The following LCORL variants were observed in gnomAD, a reference collection of about 807,000 sequenced individuals.
LCORL encodes the protein ligand-dependent nuclear receptor corepressor-like protein.
In LCORL, 41 loss-of-function variants were observed where a neutral mutation model predicts 141.8. That is an observed-to-expected ratio of 0.29 (90% CI 0.23 to 0.38). The LOEUF (loss-of-function observed/expected upper bound fraction) is 0.38, where lower values mean the gene tolerates loss of function less well. Ranked by LOEUF, LCORL falls within the 10% of genes least tolerant of loss-of-function variation. LCORL has a pLI of 1.00. For missense variants in LCORL, 1,759 were observed against 2,035.0 expected, an observed-to-expected ratio of 0.86 and a Z score of 2.61; for synonymous variants, 618 against 694.1, an observed-to-expected ratio of 0.89 and a Z score of 1.72.
chr4:18,010,068 C>T (rs1277436791), intron 1 of LCORL, among the ~76,000 whole-genome samples: 1 of 152,144 alleles, frequency 6.6e-6, no homozygotes, highest in East Asian at 1.9e-4. Context: ...TGTGTAAGCA[C>T]CTATAATCAG....
chr4:17,961,255 C>G (rs997046457), intron 4 of LCORL, among the ~76,000 whole-genome samples: 7 of 151,974 alleles, frequency 4.6e-5, no homozygotes, highest in Non-Finnish European at 1.0e-4. Flanking sequence ...AAGAACAAAA[C>G]ATGAAAGGTC....
chr4:17,978,722 G>A (rs991278101), intron 1 of LCORL, among the ~76,000 whole-genome samples: 1 of 152,014 alleles, frequency 6.6e-6, no homozygotes, highest in African/African-American at 2.4e-5. Flanking sequence ...CTTTCCCAAA[G>A]GTGTTATTTG....
At chr4:18,008,629 T>C (rs1000934195) in intron 1 of LCORL, among the ~76,000 whole-genome samples, 2 of 152,196 alleles carry the variant, frequency 1.3e-5, no homozygotes, top group African/African-American at 4.8e-5. Flanking sequence ...AAAATGAAGA[T>C]AAAAATTGTA....
chr4:17,911,689 T>A (rs1401331871), intron 4 of LCORL: 1 of 502,358 alleles, frequency 2.0e-6, no homozygotes, highest in East Asian at 5.4e-5. Flanking sequence ...CTTCACCACT[T>A]GCTCCACCTT....
At chr4:17,876,960 T>C in exon 7 of LCORL, 2 of 1,230,774 alleles carry the variant, frequency 1.6e-6, no homozygotes, top group South Asian at 8.2e-5. Flanking sequence ...TTTAGAATTT[T>C]GTAAAGAAGG....
chr4:17,853,074 A>G (rs1162206243), intron 7 of LCORL, among the ~76,000 whole-genome samples: 2 of 141,300 alleles, frequency 1.4e-5, no homozygotes, highest in East Asian at 2.0e-4. Flanking sequence ...TTTTTTTTTA[A>G]CAATACAACA....
intron 7 of LCORL, among the ~76,000 whole-genome samples, chr4:17,859,919 G>A (rs563786460): frequency 1.6e-4 from 24 of 152,266 alleles, no homozygotes; most frequent in South Asian, 4.1e-4. Context: ...ATGGCTAACC[G>A]GAGAGGTGAA....
intron 2 of LCORL, among the ~76,000 whole-genome samples, chr4:17,968,368 C>G (rs1237847635): frequency 6.6e-6 from 1 of 152,164 alleles, no homozygotes; most frequent in African/African-American, 2.4e-5. Flanking sequence ...AAACTACCAA[C>G]TTCTGAGTAA....
intron 5 of LCORL, among the ~76,000 whole-genome samples, chr4:17,897,636 T>C (rs1730195120): frequency 6.6e-6 from 1 of 152,208 alleles, no homozygotes; most frequent in Admixed American, 6.5e-5. Flanking sequence ...CAGTTTCTGG[T>C]TCTCATAAAT....
In LCORL at chr4:18,011,337, T is replaced by C. The variant is rs1723743322; in HGVS notation, c.154+10261A>G. Among the ~76,000 whole-genome samples the C allele has an allele frequency of 3.3e-5, 5 of 152,100 alleles. No homozygotes were observed. In the South Asian group the frequency reaches 1.0e-3, roughly 32 times the overall value. Reference sequence around the variant, plus strand: ...TGCTTTAATTTGAGCTTCTTAAAACTATTGCAAACAAAAAGCCCTCAAACC... The same window carrying C: ...TGCTTTAATTTGAGCTTCTTAAAACCATTGCAAACAAAAAGCCCTCAAACC... On this transcript the variant is annotated intron_variant, in intron 1 of 7. Transcript: ENST00000635767.
chr4:17,982,307 T>C (rs944328616), intron 1 of LCORL, among the ~76,000 whole-genome samples: 8 of 152,210 alleles, frequency 5.3e-5, no homozygotes, highest in African/African-American at 1.4e-4. Context: ...AGTAATGGGA[T>C]TGCTGGTATG....
At chr4:17,975,989 T>C (rs1256777322) in intron 1 of LCORL, among the ~76,000 whole-genome samples, 2 of 152,186 alleles carry the variant, frequency 1.3e-5, no homozygotes, top group Non-Finnish European at 2.9e-5. Flanking sequence ...ATATTGCATA[T>C]TTTTATGTCC....
exon 7 of LCORL, chr4:17,874,173 C>T: frequency 4.1e-6 from 5 of 1,233,946 alleles, no homozygotes; most frequent in Non-Finnish European, 5.1e-6. Context: ...TCTTTTCCAC[C>T]TTTCATGATG....
chr4:18,012,760 G>A (rs1724008075), intron 1 of LCORL, among the ~76,000 whole-genome samples: 1 of 152,088 alleles, frequency 6.6e-6, no homozygotes, highest in African/African-American at 2.4e-5. Context: ...ATTTGCCTCA[G>A]TATTTTGTTA....
At chr4:17,877,442 A>G (rs1727039863) in exon 7 of LCORL, 1 of 1,229,060 alleles carries the variant, frequency 8.1e-7, no homozygotes, top group Non-Finnish European at 1.0e-6. Flanking sequence ...CATGATTTGT[A>G]GTAGAATTAT....
intron 4 of LCORL, among the ~76,000 whole-genome samples, chr4:17,955,618 G>A (rs1038973096): frequency 6.6e-6 from 1 of 152,056 alleles, no homozygotes. Flanking sequence ...GGTTTGAGGA[G>A]AGAGAGAAAA....
intron 1 of LCORL, among the ~76,000 whole-genome samples, chr4:18,008,327 A>G (rs1319272714): frequency 6.6e-6 from 1 of 152,214 alleles, no homozygotes; most frequent in Non-Finnish European, 1.5e-5. Context: ...ATTCAAATAC[A>G]GAAGTCCCGG....
In LCORL at chr4:18,021,075, T is replaced by A. The variant is rs1021314181; in HGVS notation, c.154+523A>T. 4.0e-5 allele frequency among the ~76,000 whole-genome samples: 6 copies of A among 151,898 alleles called. No homozygotes were observed. The highest frequency in any genetic ancestry group is 1.4e-4 in the African/African-American group (6 of 41,502). On this transcript the variant is annotated intron_variant, in intron 1 of 7. Coordinates refer to ENST00000635767, the Ensembl canonical transcript of LCORL. This position sits in a 1 kb window ranked among gnomAD's most constrained non-coding sequence, Gnocchi z 5.5. ...GCGGCCCCCGCCCTGCGAGTGCCCG[T>A]GGGTCTCCAGGTCCAGGTCCCCGGG... is the stretch of plus-strand genomic sequence containing the variant.
chr4:18,004,871 A>C (rs1722536698), intron 1 of LCORL, among the ~76,000 whole-genome samples: 2 of 152,180 alleles, frequency 1.3e-5, no homozygotes, highest in Admixed American at 1.3e-4. Context: ...GAAATTGGCA[A>C]AAACAAAGGG....
Sources: allele counts gnomAD v4.1 joint callset (sites outside exome capture counted in the v4.1 genomes callset), GRCh38; gene constraint gnomAD v4.1.1; non-coding constraint Gnocchi (gnomAD v3.1); transcripts MANE v1.5; gene names NCBI Gene and HGNC (gene_info 2026-07-23, HGNC 2026-07-21).